The following GPC6 variants were observed in gnomAD, a reference collection of about 807,000 sequenced individuals.
GPC6 encodes the protein glypican 6.
A neutral mutation model predicts 55.2 loss-of-function variants in GPC6; 14 were observed. That is an observed-to-expected ratio of 0.25 (90% CI 0.17 to 0.40). GPC6 has a LOEUF of 0.40. GPC6 is among the 10% of genes least tolerant of loss of function. GPC6 has a pLI of 1.00. For missense variants in GPC6, 641 were observed against 708.5 expected (o/e 0.90, Z 1.08); for synonymous variants, 278 against 259.6 (o/e 1.07, Z -0.68).
At position 94,398,446 on chromosome 13, in the gene GPC6, T is replaced by C; in HGVS notation, c.1290-20T>C. On this transcript the variant is annotated intron_variant, in intron 7 of 8. Coordinates refer to ENST00000377047, the MANE Select transcript of GPC6 (RefSeq NM_005708.5). ...TCTGTGGCATCTCCCTGAGGTGTTC[T>C]CTCACTCTCTGCCTTGCAGATACTT... The C allele has an allele frequency of 6.3e-7, 1 of 1,595,942 alleles. No individual in the cohort carries two copies. The highest frequency in any genetic ancestry group is 8.6e-7 in the Non-Finnish European group (1 of 1,163,742).
chr13:93,311,013 C>T (rs570830135), intron 1 of GPC6, among the ~76,000 whole-genome samples: 1 of 152,070 alleles, frequency 6.6e-6, no homozygotes, highest in Non-Finnish European at 1.5e-5. Context: ...CTAAGAATAT[C>T]CTTTCTGATA....
In GPC6 at chr13:94,310,218, A is replaced by G. The variant is rs1192081176; in HGVS notation, c.1152+4095A>G. Among the ~76,000 whole-genome samples the G allele has an allele frequency of 2.0e-5, 3 of 152,328 alleles. No individual in the cohort carries two copies. In the East Asian group the frequency reaches 5.8e-4, roughly 29 times the overall value. On this transcript the variant is annotated intron_variant, in intron 6 of 8. Coordinates refer to ENST00000377047, the MANE Select transcript of GPC6 (RefSeq NM_005708.5). ...TCAGTTACTTTATTCCAGCTGATTC[A>G]TTAGAGTAAAAATGGACTGTGCATG...
At chr13:93,976,221 T>C (rs139570764) in intron 3 of GPC6, among the ~76,000 whole-genome samples, 107 of 152,252 alleles carry the variant, frequency 7.0e-4, no homozygotes, top group African/African-American at 2.4e-3. Context: ...TAGTGTTCAT[T>C]CATTTGTGAT....
chr13:93,983,200 G>A (rs1880880799), intron 3 of GPC6, among the ~76,000 whole-genome samples: 1 of 152,166 alleles, frequency 6.6e-6, no homozygotes, highest in Admixed American at 6.5e-5. Context: ...CCTGAACCTT[G>A]AGAATGTACA....
intron 4 of GPC6, among the ~76,000 whole-genome samples, chr13:94,046,454 G>A (rs1394511233): frequency 6.6e-6 from 1 of 151,986 alleles, no homozygotes; most frequent in Non-Finnish European, 1.5e-5. Context: ...CCTCAGAGAG[G>A]AGAAAGAACT....
chr13:93,274,771 T>C (rs1187682904), intron 1 of GPC6, among the ~76,000 whole-genome samples: 1 of 152,180 alleles, frequency 6.6e-6, no homozygotes, highest in Non-Finnish European at 1.5e-5. Flanking sequence ...GTGCAAAAAA[T>C]ATATCCACTG....
At chr13:93,339,794 C>T (rs1413968909) in intron 1 of GPC6, among the ~76,000 whole-genome samples, 2 of 152,106 alleles carry the variant, frequency 1.3e-5, no homozygotes, top group Non-Finnish European at 2.9e-5. Flanking sequence ...GAAATACAGG[C>T]TTACATCAAA....
intron 1 of GPC6, among the ~76,000 whole-genome samples, chr13:93,292,590 A>T (rs545581892): frequency 6.6e-5 from 10 of 152,194 alleles, no homozygotes; most frequent in Non-Finnish European, 1.5e-4. Flanking sequence ...CAGAATAAAC[A>T]TATTATGGAA....
chr13:93,439,694 A>AGATAAGATAAGATAAGATAAGATAAGAT (rs1555300384), intron 1 of GPC6, among the ~76,000 whole-genome samples: 16 of 146,616 alleles, frequency 1.1e-4, no homozygotes, highest in African/African-American at 3.8e-4. Flanking sequence ...AATAAATAAA[A>AGATAAGATAAGATAAGATAAGATAAGAT]AAAATAAAAT....
the GPC6 span, among the ~76,000 whole-genome samples, chr13:93,221,471 C>T: frequency 6.6e-6 from 1 of 152,108 alleles, no homozygotes; most frequent in African/African-American, 2.4e-5. Flanking sequence ...GAAGAATCTG[C>T]TGCCCCATGG....
intron 3 of GPC6, among the ~76,000 whole-genome samples, chr13:93,994,977 G>A (rs1364380782): frequency 6.6e-6 from 1 of 152,152 alleles, no homozygotes; most frequent in East Asian, 1.9e-4. Context: ...TAAGCTGTGG[G>A]CTTTCAGCAG....
At chr13:93,472,287 A>G (rs1040114748) in intron 1 of GPC6, among the ~76,000 whole-genome samples, 1 of 152,202 alleles carries the variant, frequency 6.6e-6, no homozygotes, top group Non-Finnish European at 1.5e-5. Flanking sequence ...CCTAGGGCCC[A>G]CAGGGCCCAT....
chr13:94,231,910 CTTTTA>C (rs1890740966), intron 4 of GPC6, among the ~76,000 whole-genome samples: 1 of 151,966 alleles, frequency 6.6e-6, no homozygotes, highest in East Asian at 1.9e-4. Context: ...TTTTTCGACT[CTTTTA>C]TTCTGATCAA....
chr13:93,512,263 A>T (rs1881010689), intron 1 of GPC6, among the ~76,000 whole-genome samples: 1 of 152,070 alleles, frequency 6.6e-6, no homozygotes, highest in Non-Finnish European at 1.5e-5. Context: ...CAGTTCTGAC[A>T]GGAAAGGATT....
intron 3 of GPC6, among the ~76,000 whole-genome samples, chr13:93,997,773 A>G (rs1270982809): frequency 6.6e-6 from 1 of 152,216 alleles, no homozygotes; most frequent in East Asian, 1.9e-4. Flanking sequence ...TACACAAGGT[A>G]AATGTTCCAT....
intron 6 of GPC6, among the ~76,000 whole-genome samples, chr13:94,331,044 T>G (rs1441573614): frequency 6.6e-6 from 1 of 152,208 alleles, no homozygotes; most frequent in East Asian, 1.9e-4. Context: ...TAGATTGATT[T>G]GGAGGGTGCT....
intron 3 of GPC6, among the ~76,000 whole-genome samples, chr13:93,866,419 G>A (rs1013678246): frequency 1.3e-5 from 2 of 150,936 alleles, no homozygotes; most frequent in Non-Finnish European, 3.0e-5. Flanking sequence ...AGTAATGGGC[G>A]TATGTTCACC....
intron 2 of GPC6, among the ~76,000 whole-genome samples, chr13:93,585,962 CT>C (rs944565344): frequency 1.3e-5 from 2 of 148,356 alleles, no homozygotes; most frequent in Non-Finnish European, 1.5e-5. Context: ...CTGTCAGTTT[CT>C]TTTTTTTTTA....
intron 2 of GPC6, among the ~76,000 whole-genome samples, chr13:93,829,741 G>A (rs1382374509): frequency 1.3e-5 from 2 of 152,134 alleles, no homozygotes; most frequent in African/African-American, 4.8e-5. Flanking sequence ...GGAATTTAGT[G>A]TTAGGACAAA....
Sources: allele counts gnomAD v4.1 joint callset (sites outside exome capture counted in the v4.1 genomes callset), GRCh38; gene constraint gnomAD v4.1.1; transcripts MANE v1.5; gene names NCBI Gene and HGNC (gene_info 2026-07-23, HGNC 2026-07-21).